MYO3B: variants seen among roughly 807,000 people sequenced by gnomAD.
MYO3B encodes myosin-IIIb.
MYO3B carries 156 observed loss-of-function variants against 174.6 expected under a neutral mutation model. The ratio of observed to expected loss-of-function variants is 0.89; its 90% CI spans 0.78 to 1.02. The LOEUF is 1.02. Ranked by LOEUF, MYO3B falls within the 50% of genes least tolerant of loss-of-function variation. The pLI, the probability that MYO3B is intolerant of heterozygous loss-of-function variation, is 0.00. For missense variants in MYO3B, 1,632 were observed against 1,639.4 expected (o/e 1.00, Z 0.08); for synonymous variants, 563 against 569.1 (o/e 0.99, Z 0.15).
chr2:170,407,667 G>A (rs369362611), intron 21 of MYO3B, 48 bp from the exon 22 acceptor site: 376 of 1,609,150 alleles, frequency 2.3e-4, no homozygotes, highest in Non-Finnish European at 3.0e-4. Flanking sequence ...TGTCACCAAT[G>A]ACGGACAGTT....
chr2:170,450,323 A>G (rs1683527569), intron 23 of MYO3B, among the ~76,000 whole-genome samples: 1 of 152,270 alleles, frequency 6.6e-6, no homozygotes, highest in Non-Finnish European at 1.5e-5. Context: ...TTAGGTCAGA[A>G]AAAGACATAC....
intron 32 of MYO3B, among the ~76,000 whole-genome samples, chr2:170,631,860 T>C (rs993659888): frequency 3.3e-5 from 5 of 152,294 alleles, no homozygotes; most frequent in Non-Finnish European, 7.4e-5. Flanking sequence ...TACTCTCTGA[T>C]AAAACAGAGT....
intron 32 of MYO3B, among the ~76,000 whole-genome samples, chr2:170,633,825 GACAA>G (rs1259254770): frequency 3.2e-4 from 48 of 152,240 alleles, no homozygotes; most frequent in African/African-American, 1.1e-3. Flanking sequence ...ACCAGTAACA[GACAA>G]ACAGAGAGCC....
chr2:170,579,697 G>A lies in MYO3B; in HGVS notation c.3733+35709G>A, dbSNP rs191749868. ...GCCACAGCCACAGGCTAGAAACCTG[G>A]AGCACCACCACAGCCTGGGAGGCAG... is the stretch of plus-strand genomic sequence containing the variant. On this transcript the variant is annotated intron_variant, in intron 32 of 34. Transcript: ENST00000408978. Among the ~76,000 whole-genome samples, 436 of 152,322 alleles carry A rather than the reference G, an allele frequency of 2.9e-3. 6 individuals are homozygous for A. Among genetic ancestry groups the A allele is most frequent in the Admixed American group, 0.023 (349 of 15,298 alleles).
rs565997760 is a variant in MYO3B, at chr2:170,578,829, G to T, written c.3733+34841G>T. ...AGCCTGTTGTGGCATTACGCAGAGG[G>T]CCTTGAAACCTACCCAAGGCTTGGC... On this transcript the variant is annotated intron_variant, in intron 32 of 34. Transcript: ENST00000408978. Among the ~76,000 whole-genome samples the T allele has an allele frequency of 7.3e-4, 111 of 152,352 alleles. 2 individuals carry two copies. The South Asian group carries it at 0.013, about 18-fold the overall frequency.
In MYO3B at chr2:170,651,711, A is replaced by G; in HGVS notation, c.3817A>G (p.Thr1273Ala). The change falls in exon 33 of 35, where the codon ACC (threonine) becomes GCC (alanine). Residue 1273 changes from threonine (T) to alanine (A), a missense_variant. By Grantham distance (58) the Thr-to-Ala change is moderately conservative. Transcript: ENST00000408978. ...CAAAATGCTGAGTAGCCCTGAGGAC[A>G]CCATGTACTATAACCAGTTAAATGT... is the stretch of plus-strand genomic sequence containing the variant. ...QPKMLSSPED[T>A]MYYNQLNGTL... 1.9e-6 allele frequency: 3 copies of G among 1,614,080 alleles called. No individual in the cohort carries two copies. Among genetic ancestry groups the G allele is most frequent in the Non-Finnish European group, 2.5e-6 (3 of 1,179,964 alleles).
intron 7 of MYO3B, among the ~76,000 whole-genome samples, chr2:170,331,657 G>C (rs2093912523): frequency 6.6e-6 from 1 of 152,102 alleles, no homozygotes; most frequent in African/African-American, 2.4e-5. Flanking sequence ...GGTGTCAGTA[G>C]GGCTGTACTC....
intron 28 of MYO3B, among the ~76,000 whole-genome samples, chr2:170,511,584 C>A (rs1003055007): frequency 6.6e-6 from 1 of 152,104 alleles, no homozygotes; most frequent in African/African-American, 2.4e-5. Context: ...TTATAGTAAC[C>A]CTGAGAAGTA....
intron 16 of MYO3B, among the ~76,000 whole-genome samples, chr2:170,397,456 T>C (rs2094448056): frequency 6.6e-6 from 1 of 152,190 alleles, no homozygotes; most frequent in South Asian, 2.1e-4. Flanking sequence ...AAGCATAAAA[T>C]GCAAAATTTT....
At chr2:170,299,513 A>G (rs1258974943) in intron 7 of MYO3B, among the ~76,000 whole-genome samples, 1 of 152,202 alleles carries the variant, frequency 6.6e-6, no homozygotes, top group African/African-American at 2.4e-5. Flanking sequence ...AATACTTGCT[A>G]TAAGCCAGGC....
intron 1 of MYO3B, among the ~76,000 whole-genome samples, chr2:170,179,852 T>C (rs1269125133): frequency 6.6e-6 from 1 of 152,206 alleles, no homozygotes; most frequent in Non-Finnish European, 1.5e-5. Context: ...TGGTATGTGT[T>C]TCCTTATTCT....
intron 32 of MYO3B, among the ~76,000 whole-genome samples, chr2:170,645,241 C>A (rs758054032): frequency 4.6e-5 from 7 of 152,032 alleles, no homozygotes; most frequent in African/African-American, 1.7e-4. Flanking sequence ...GAAGCCAAGG[C>A]AGGTGGATTG....
chr2:170,619,423 A>G (rs1417687236), intron 32 of MYO3B, among the ~76,000 whole-genome samples: 1 of 152,176 alleles, frequency 6.6e-6, no homozygotes, highest in African/African-American at 2.4e-5. Context: ...TTTATTCCGT[A>G]GCAATAGTTT....
At chr2:170,414,525 C>A (rs1365757848) in intron 22 of MYO3B, among the ~76,000 whole-genome samples, 1 of 152,146 alleles carries the variant, frequency 6.6e-6, no homozygotes, top group Non-Finnish European at 1.5e-5. Context: ...ATTCCTTCAA[C>A]TTTATTCTTC....
chr2:170,571,896 C>T (rs955009837), intron 32 of MYO3B, among the ~76,000 whole-genome samples: 2 of 152,174 alleles, frequency 1.3e-5, no homozygotes, highest in Non-Finnish European at 2.9e-5. Context: ...ATCTCAATGA[C>T]AGCTGCTAAC....
At chr2:170,271,209 G>A (rs527654884) in intron 7 of MYO3B, among the ~76,000 whole-genome samples, 11 of 152,154 alleles carry the variant, frequency 7.2e-5, no homozygotes, top group Non-Finnish European at 1.5e-4. Flanking sequence ...AAAGAAATGG[G>A]TGGGGCACAG....
At chr2:170,429,988 G>C (rs1291503462) in intron 22 of MYO3B, among the ~76,000 whole-genome samples, 3 of 148,560 alleles carry the variant, frequency 2.0e-5, no homozygotes, top group Admixed American at 2.0e-4. Flanking sequence ...GGTTTGAACT[G>C]TGCAGGTCCA....
In MYO3B at chr2:170,601,884, T is replaced by C. The variant is rs73978730; in HGVS notation, c.3734-49744T>C. 0.014 allele frequency: 11,544 copies of C among 852,932 alleles called. 917 individuals carry two copies. In the African/African-American group the frequency reaches 0.17, roughly 13 times the overall value. The allele number at this position is 852,932 out of a possible 1,614,324, so 52.8% of individuals were successfully genotyped here. On this transcript the variant is annotated intron_variant, in intron 32 of 34. Transcript: ENST00000408978. ...CGCTAATAGGCAGGCCAGGATGCTC[T>C]CCTTTGATTTTTGGGCAATACTCAG...
chr2:170,353,331 C>T (rs1358486466), intron 8 of MYO3B, among the ~76,000 whole-genome samples: 1 of 151,578 alleles, frequency 6.6e-6, no homozygotes, highest in Non-Finnish European at 1.5e-5. Flanking sequence ...TGTAGGATTC[C>T]AATTACGTGA....
Sources: gnomAD v4.1 joint callset for allele counts (sites outside exome capture counted in the v4.1 genomes callset) on GRCh38, gnomAD v4.1.1 for gene constraint, MANE v1.5 for transcripts, NCBI Gene and HGNC (gene_info 2026-07-23, HGNC 2026-07-21) for gene names.